The following NET1 variants were observed in gnomAD, a reference collection of about 807,000 sequenced individuals.
The protein encoded by NET1 is neuroepithelial cell transforming 1.
A neutral mutation model predicts 61.1 loss-of-function variants in NET1; 42 were observed. That is an observed-to-expected ratio of 0.69 (90% CI 0.54 to 0.89). The LOEUF is 0.89. Ranked by LOEUF, NET1 falls within the 40% of genes least tolerant of loss-of-function variation. The probability of loss-of-function intolerance (pLI) is 0.00; values close to 1 mark genes in which losing one functional copy is unlikely to be tolerated. For missense variants in NET1, 654 were observed against 747.3 expected (o/e 0.88, Z 1.46); for synonymous variants, 254 against 281.8 (o/e 0.90, Z 0.99).
At position 5,436,217 on chromosome 10, in the gene NET1, TGTGTGTGC is replaced by T. The variant is rs1425949307; in HGVS notation, c.255+6989_255+6996del. On this transcript the variant is annotated intron_variant, in intron 3 of 11. Transcript: ENST00000355029. ...GTGTGTGTGTGTGTGTGTGTGTGTG[TGTGTGTGC>T]ATATATATATATATATATATATATT... Among the ~76,000 whole-genome samples the T allele has an allele frequency of 7.9e-3, 656 of 83,198 alleles. 4 individuals carry two copies. The highest frequency in any genetic ancestry group is 0.01 in the African/African-American group (206 of 19,670). 54.6% of individuals were successfully genotyped at this position (83,198 alleles called of 152,430 possible).
Position 5,456,711 on chromosome 10 carries a change from TC to T in NET1, c.1510del (p.Gln504SerfsTer44). ...FNCIRAAIAP[F>X]QSAGSPPELQ... ...TGTATTCGAGCGGCCATTGCCCCCT[TC>T]CAGTCGGCAGGCAGTCCACCTGAGC... On this transcript the variant is annotated frameshift_variant, in exon 12 of 12. Transcript: ENST00000355029. LOFTEE classifies it low-confidence loss of function (END_TRUNC). The surrounding 1 kb of genome is among the most constrained non-coding windows in gnomAD (Gnocchi z 7.0). 6.2e-7 allele frequency: 1 copy of T among 1,614,150 alleles called. No individual in the cohort carries two copies. Among genetic ancestry groups the T allele is most frequent in the East Asian group, 2.2e-5 (1 of 44,884 alleles).
rs1418835026 is a variant in NET1, at chr10:5,423,231, A to G, written c.129-3424A>G. Among the ~76,000 whole-genome samples, 2 of 152,138 alleles carry G rather than the reference A, an allele frequency of 1.3e-5. No individual in the cohort carries two copies. Among genetic ancestry groups the G allele is most frequent in the South Asian group, 4.1e-4 (2 of 4,828 alleles). On this transcript the variant is annotated intron_variant, in intron 1 of 11. Coordinates refer to ENST00000355029, the MANE Select transcript of NET1 (RefSeq NM_001047160.3). The surrounding 1 kb of genome is among the most constrained non-coding windows in gnomAD (Gnocchi z 4.4). The stretch of plus-strand genomic sequence containing the variant: ...TTAAGAATGCTTTTTTCCTGTTGGT[A>G]ATAGTAATTTTCAATACGTTTTTTG...
At position 5,420,821 on chromosome 10, in the gene NET1, C is replaced by T. The variant is rs746940804; in HGVS notation, c.129-5834C>T. ...ATGTTGGCCAGGATGGTTTTGATCTCCTGACCTCGTGAACCGCCCACCTTG... is the reference window on the plus strand; with the variant it reads ...ATGTTGGCCAGGATGGTTTTGATCTTCTGACCTCGTGAACCGCCCACCTTG... On this transcript the variant is annotated intron_variant, in intron 1 of 11. Transcript: ENST00000355029. The surrounding 1 kb of genome is among the most constrained non-coding windows in gnomAD (Gnocchi z 5.3). Among the ~76,000 whole-genome samples, 3 of 152,026 alleles carry T rather than the reference C, an allele frequency of 2.0e-5. No homozygotes were observed. Among genetic ancestry groups the T allele is most frequent in the African/African-American group, 4.8e-5 (2 of 41,386 alleles).
rs1832572752 is a variant in NET1, at chr10:5,444,415, C to G, written c.256-7415C>G. Among the ~76,000 whole-genome samples, 1 of 152,202 alleles carries G rather than the reference C, an allele frequency of 6.6e-6. No individual in the cohort carries two copies. The highest frequency in any genetic ancestry group is 1.5e-5 in the Non-Finnish European group (1 of 68,024). ...TAGATTATTTGTCTTTATAAATAGT[C>G]TGCACCCACTATTCTTCTGTATTCA... On this transcript the variant is annotated intron_variant, in intron 3 of 11. Transcript: ENST00000355029. This position sits in a 1 kb window ranked among gnomAD's most constrained non-coding sequence, Gnocchi z 5.3.
In NET1 at chr10:5,441,814, T is replaced by C. The variant is rs2119198129; in HGVS notation, c.256-10016T>C. Reference sequence around the variant, plus strand: ...TCCAGTTCAAATGTAACTCTTTTTGTTTTTAAGTTATTACTAGATATTTTG... The same window carrying C: ...TCCAGTTCAAATGTAACTCTTTTTGCTTTTAAGTTATTACTAGATATTTTG... On this transcript the variant is annotated intron_variant, in intron 3 of 11. Transcript: ENST00000355029. The surrounding 1 kb of genome is among the most constrained non-coding windows in gnomAD (Gnocchi z 4.6). 6.6e-6 allele frequency among the ~76,000 whole-genome samples: 1 copy of C among 152,356 alleles called. No homozygotes were observed. Among genetic ancestry groups the C allele is most frequent in the South Asian group, 2.1e-4 (1 of 4,830 alleles).
rs117544144 is a variant in NET1, at chr10:5,429,507, G to A, written c.255+278G>A. Among the ~76,000 whole-genome samples the A allele has an allele frequency of 8.7e-3, 1,323 of 152,248 alleles. 12 individuals are homozygous for A. The highest frequency in any genetic ancestry group is 0.014 in the Middle Eastern group (4 of 294). ...TAAGGAGACAGGCTGTAATCTGTGC[G>A]AAGGAACGAGGTAAGAGAGGGCCGG... On this transcript the variant is annotated intron_variant, in intron 3 of 11. Coordinates refer to ENST00000355029, the MANE Select transcript of NET1 (RefSeq NM_001047160.3).
In NET1 at chr10:5,440,888, A is replaced by G. The variant is rs1012730207; in HGVS notation, c.256-10942A>G. ...TTTTACTAGTGAGTGAGTCTGTTTC[A>G]GAGTCCCATCCTGTGTTTCTGATCT... On this transcript the variant is annotated intron_variant, in intron 3 of 11. Coordinates refer to ENST00000355029, the MANE Select transcript of NET1 (RefSeq NM_001047160.3). This position sits in a 1 kb window ranked among gnomAD's most constrained non-coding sequence, Gnocchi z 4.1. 3.3e-5 allele frequency among the ~76,000 whole-genome samples: 5 copies of G among 152,142 alleles called. No homozygotes were observed. The highest frequency in any genetic ancestry group is 1.2e-4 in the African/African-American group (5 of 41,438).
At chr10:5,418,451 A>G (rs1832114934) in intron 1 of NET1, among the ~76,000 whole-genome samples, 1 of 151,896 alleles carries the variant, frequency 6.6e-6, no homozygotes, top group Non-Finnish European at 1.5e-5. Flanking sequence ...TGTTCATAGT[A>G]TTTCTTTATA....
chr10:5,449,643 A>G lies in NET1; in HGVS notation c.256-2187A>G, dbSNP rs1205279607. ...AATCTAAATTCTGTAGTTTTAAAAT[A>G]TCACATAATTTTGAGTTACCAGGAA... On this transcript the variant is annotated intron_variant, in intron 3 of 11. Coordinates refer to ENST00000355029, the MANE Select transcript of NET1 (RefSeq NM_001047160.3). This position sits in a 1 kb window ranked among gnomAD's most constrained non-coding sequence, Gnocchi z 4.4. 6.6e-6 allele frequency among the ~76,000 whole-genome samples: 1 copy of G among 152,206 alleles called. No individual in the cohort carries two copies. Among genetic ancestry groups the G allele is most frequent in the Non-Finnish European group, 1.5e-5 (1 of 68,024 alleles).
Position 5,415,817 on chromosome 10 carries a change from T to A in NET1, c.128+2997T>A, listed in dbSNP as rs556485034. On this transcript the variant is annotated intron_variant, in intron 1 of 11. Transcript: ENST00000355029. The surrounding 1 kb of genome is among the most constrained non-coding windows in gnomAD (Gnocchi z 4.7). The stretch of plus-strand genomic sequence containing the variant: ...GATACAAGTCCCTTATCAGATAGAT[T>A]ATTTGCAAATATTTTCTCTTATTCT... Among the ~76,000 whole-genome samples, 1 of 152,196 alleles carries A rather than the reference T, an allele frequency of 6.6e-6. No homozygotes were observed. The highest frequency in any genetic ancestry group is 1.5e-5 in the Non-Finnish European group (1 of 68,040).
chr10:5,412,825 G>C lies in NET1; in HGVS notation c.128+5G>C. ...CGGGTCGGAGCTGGACGGGAGGTGAGTGTGGGGGAGGGGAGGGCCGAACGG... is the reference window on the plus strand; with the variant it reads ...CGGGTCGGAGCTGGACGGGAGGTGACTGTGGGGGAGGGGAGGGCCGAACGG... On this transcript the variant is annotated splice_donor_5th_base_variant and intron_variant, in intron 1 of 11. Coordinates refer to ENST00000355029, the MANE Select transcript of NET1 (RefSeq NM_001047160.3). The surrounding 1 kb of genome is among the most constrained non-coding windows in gnomAD (Gnocchi z 6.5). 1 of 1,405,652 alleles carries C rather than the reference G, an allele frequency of 7.1e-7. No homozygotes were observed. Among genetic ancestry groups the C allele is most frequent in the East Asian group, 3.0e-5 (1 of 33,114 alleles). 87.1% of individuals were successfully genotyped at this position (1,405,652 alleles called of 1,614,324 possible). A position where few individuals can be genotyped will look rare whatever the true frequency, so the allele number is the denominator to read the frequency against.
chr10:5,429,272 G>A, intron 3 of NET1, 43 bp downstream of exon 3: 1 of 1,372,022 alleles, frequency 7.3e-7, no homozygotes, highest in East Asian at 2.3e-5. Context: ...TTAAAAATAT[G>A]CAGATAGCAT....
rs1295121473 is a variant in NET1 at position 5,422,479 on chromosome 10, G to A, written c.129-4176G>A. 2.0e-5 allele frequency among the ~76,000 whole-genome samples: 3 copies of A among 152,208 alleles called. No homozygotes were observed. The highest frequency in any genetic ancestry group is 4.4e-5 in the Non-Finnish European group (3 of 68,042). On this transcript the variant is annotated intron_variant, in intron 1 of 11. Coordinates refer to ENST00000355029, the MANE Select transcript of NET1 (RefSeq NM_001047160.3). This position sits in a 1 kb window ranked among gnomAD's most constrained non-coding sequence, Gnocchi z 4.1. ...CACTGTTTCCAAAGAGTACTGGATTGTTAATGATGGAAGCCTTCAGAATTT... is the reference window on the plus strand; with the variant it reads ...CACTGTTTCCAAAGAGTACTGGATTATTAATGATGGAAGCCTTCAGAATTT...
chr10:5,426,352 A>T lies in NET1; in HGVS notation c.129-303A>T, dbSNP rs1832257812. On this transcript the variant is annotated intron_variant, in intron 1 of 11. Coordinates refer to ENST00000355029, the MANE Select transcript of NET1 (RefSeq NM_001047160.3). The surrounding 1 kb of genome is among the most constrained non-coding windows in gnomAD (Gnocchi z 4.6). ...CTATTAATATATTTCATGTTTTTGA[A>T]CTATATGTATGTTCCTAAGGTAAAC... is the stretch of plus-strand genomic sequence containing the variant. 6.6e-6 allele frequency among the ~76,000 whole-genome samples: 1 copy of T among 152,132 alleles called. No homozygotes were observed. Among genetic ancestry groups the T allele is most frequent in the Non-Finnish European group, 1.5e-5 (1 of 68,024 alleles).
rs938447831 is a variant in NET1 at position 5,423,734 on chromosome 10, A to T, written c.129-2921A>T. On this transcript the variant is annotated intron_variant, in intron 1 of 11. Transcript: ENST00000355029. This position sits in a 1 kb window ranked among gnomAD's most constrained non-coding sequence, Gnocchi z 4.4. Reference sequence around the variant, plus strand: ...TCTGGAAAAATAACTTGCAATCTTAATGTTTTATGAAATCATTTTTTTCCC... The same window carrying T: ...TCTGGAAAAATAACTTGCAATCTTATTGTTTTATGAAATCATTTTTTTCCC... Among the ~76,000 whole-genome samples, 1 of 152,104 alleles carries T rather than the reference A, an allele frequency of 6.6e-6. No individual in the cohort carries two copies. The highest frequency in any genetic ancestry group is 1.5e-5 in the Non-Finnish European group (1 of 68,000).
chr10:5,429,253 GAA>G (rs762587235), intron 3 of NET1, 24 bp downstream of exon 3: 1 of 1,515,410 alleles, frequency 6.6e-7, no homozygotes, highest in Non-Finnish European at 9.1e-7. Flanking sequence ...CCCTGTTAAA[GAA>G]AAGCATTTAA....
In NET1 at chr10:5,455,629, A is replaced by G. The variant is rs1832783986; in HGVS notation, c.1198-458A>G. Reference sequence around the variant, plus strand: ...TTTATAAGTTGGAGTTTTGTTTAAAAAAATTTGAAATCTGACATCTTTGAT... The same window carrying G: ...TTTATAAGTTGGAGTTTTGTTTAAAGAAATTTGAAATCTGACATCTTTGAT... On this transcript the variant is annotated intron_variant, in intron 10 of 11. Transcript: ENST00000355029. The surrounding 1 kb of genome is among the most constrained non-coding windows in gnomAD (Gnocchi z 6.5). 6.6e-6 allele frequency among the ~76,000 whole-genome samples: 1 copy of G among 152,240 alleles called. No individual in the cohort carries two copies. The highest frequency in any genetic ancestry group is 1.5e-5 in the Non-Finnish European group (1 of 68,040).
In NET1 at chr10:5,440,697, A is replaced by G. The variant is rs1832511947; in HGVS notation, c.256-11133A>G. Among the ~76,000 whole-genome samples, 1 of 152,212 alleles carries G rather than the reference A, an allele frequency of 6.6e-6. No homozygotes were observed. The highest frequency in any genetic ancestry group is 1.5e-5 in the Non-Finnish European group (1 of 68,044). On this transcript the variant is annotated intron_variant, in intron 3 of 11. Transcript: ENST00000355029. This position sits in a 1 kb window ranked among gnomAD's most constrained non-coding sequence, Gnocchi z 4.1. The stretch of plus-strand genomic sequence containing the variant: ...CTGAGAACATTATGAAAGTTCTGTC[A>G]GCTGCTTTTTCAAATCTTTTAAAGC...
At position 5,416,446 on chromosome 10, in the gene NET1, A is replaced by T. The variant is rs1047889687; in HGVS notation, c.128+3626A>T. ...GATTTTTACAAAGGAGTCCACAGGG[A>T]TTCTGATAGAGATTGCATTAAATCT... On this transcript the variant is annotated intron_variant, in intron 1 of 11. Transcript: ENST00000355029. This position sits in a 1 kb window ranked among gnomAD's most constrained non-coding sequence, Gnocchi z 6.1. Among the ~76,000 whole-genome samples the T allele has an allele frequency of 6.6e-6, 1 of 152,224 alleles. No individual in the cohort carries two copies. The highest frequency in any genetic ancestry group is 1.9e-4 in the East Asian group (1 of 5,202).
Sources: allele counts gnomAD v4.1 joint callset (sites outside exome capture counted in the v4.1 genomes callset), GRCh38; gene constraint gnomAD v4.1.1; non-coding constraint Gnocchi (gnomAD v3.1); transcripts MANE v1.5; gene names NCBI Gene and HGNC (gene_info 2026-07-23, HGNC 2026-07-21).